CES1: variants seen among roughly 807,000 people sequenced by gnomAD.
CES1 encodes carboxylesterase 1, also known as liver carboxylesterase 1.
A neutral mutation model predicts 53.0 loss-of-function variants in CES1; 50 were observed. The ratio of observed to expected loss-of-function variants is 0.94; its 90% CI spans 0.75 to 1.19. The LOEUF is 1.19. Ranked by LOEUF, CES1 falls within the 50% of genes most tolerant of loss-of-function variation. The pLI is 0.00. For synonymous variants in CES1, 202 were observed against 210.1 expected, an observed-to-expected ratio of 0.96 and a Z score of 0.33; for missense variants, 534 against 538.0, an observed-to-expected ratio of 0.99 and a Z score of 0.07.
At chr16:55,812,843 C>T in intron 9 of CES1, 60 bp downstream of exon 9, 2 of 1,609,856 alleles carry the variant, frequency 1.2e-6, no homozygotes, top group Non-Finnish European at 1.7e-6. Flanking sequence ...TTCCTGGGAC[C>T]AGAGACAGGA....
At chr16:55,812,413 G>A (rs79711700) in intron 9 of CES1, 6 of 223,206 alleles carry the variant, frequency 2.7e-5, no homozygotes, top group South Asian at 1.4e-4. Context: ...CTTAGTAGAC[G>A]CTGATGTCTG....
chr16:55,826,199 G>A lies in CES1; in HGVS notation c.357C>T (p.Tyr119=). The change falls in exon 3 of 14, where the codon TAC becomes TAT. Residue 119 remains tyrosine (Y), a synonymous_variant. Transcript: ENST00000360526. ...IPLKLSEDCL[Y]LNIYTPADLT... is the part of the protein sequence containing the mutation. ...AGTCAGCAGGAGTGTAAATATTGAG[G>A]TAAAGACAGTCTTCAGAAAGCTTGA... 5 of 1,613,970 alleles carry A rather than the reference G, an allele frequency of 3.1e-6. No homozygotes were observed. The highest frequency in any genetic ancestry group is 4.2e-6 in the Non-Finnish European group (5 of 1,179,868).
intron 3 of CES1, among the ~76,000 whole-genome samples, chr16:55,824,401 A>C (rs1228133678): frequency 6.6e-6 from 1 of 152,270 alleles, no homozygotes; most frequent in Admixed American, 6.5e-5. Flanking sequence ...AGAGTGGCTA[A>C]AATAATGATA....
rs1445496907 is a variant in CES1, at chr16:55,816,927, T to C, written c.942A>G (p.Arg314=). Residue 314 remains arginine (R), a synonymous_variant, in exon 8 of 14, where the codon AGA becomes AGG. Coordinates refer to ENST00000360526, the MANE Select transcript of CES1 (RefSeq NM_001025195.2). ...TCCAGAAACAAAAGGTCCTTACCTC[T>C]CTGGGGTCTCCCTGTAAGTCCAGAG... ...FLSLDLQGDP[R]ESQPLLGTVI... is the part of the protein sequence containing the mutation. 11 of 1,614,096 alleles carry C rather than the reference T, an allele frequency of 6.8e-6. No individual in the cohort carries two copies. Among genetic ancestry groups the C allele is most frequent in the Non-Finnish European group, 9.3e-6 (11 of 1,179,948 alleles).
chr16:55,815,180 G>T (rs1241413044), intron 8 of CES1, among the ~76,000 whole-genome samples: 1 of 152,200 alleles, frequency 6.6e-6, no homozygotes, highest in Non-Finnish European at 1.5e-5. Context: ...GAAATGCTGT[G>T]GGGCAGGGTC....
intron 1 of CES1, among the ~76,000 whole-genome samples, chr16:55,830,849 A>T (rs1302439153): frequency 1.6e-4 from 16 of 102,746 alleles, no homozygotes; most frequent in Middle Eastern, 5.4e-3. Flanking sequence ...CAGGCAGGCA[A>T]GTGGGAGTGA....
rs202228585 is a variant in CES1 at position 55,820,426 on chromosome 16, G to A, written c.747C>T (p.Gly249=). The change falls in exon 6 of 14, where the codon GGC becomes GGT. Residue 249 remains glycine (G), a synonymous_variant. Transcript: ENST00000360526. ...NLFHRAISES[G]VALTSVLVKK... is the part of the protein sequence containing the mutation. ...TCACCAGAACAGAAGTGAGGGCCAC[G>A]CCACTCTCAGAAATGGCCCGGTGGA... 2.4e-4 allele frequency: 389 copies of A among 1,603,236 alleles called. No homozygotes were observed. In the East Asian group the frequency reaches 7.3e-3, roughly 30 times the overall value.
chr16:55,810,589 C>G lies in CES1; in HGVS notation c.1246G>C (p.Asp416His). Residue 416 changes from aspartate (D) to histidine (H), a missense_variant, in exon 11 of 14, where the codon GAC becomes CAC. This residue lies in a region of CES1 where 269 missense variants were observed against 206.6 expected (regional missense o/e 1.30). Coordinates refer to ENST00000360526, the MANE Select transcript of CES1 (RefSeq NM_001025195.2). ...GGTDDTVKKK[D>H]LFLDLIADVM... ...TCTGCTATCAAGTCCAGGAACAGGTCTTTCTTTTTGACAGTGTCGTCTGTT... is the reference window on the plus strand; with the variant it reads ...TCTGCTATCAAGTCCAGGAACAGGTGTTTCTTTTTGACAGTGTCGTCTGTT... The G allele has an allele frequency of 6.2e-7, 1 of 1,614,174 alleles. No homozygotes were observed. The highest frequency in any genetic ancestry group is 8.5e-7 in the Non-Finnish European group (1 of 1,180,024).
At chr16:55,825,467 T>G (rs1567504959) in intron 3 of CES1, among the ~76,000 whole-genome samples, 3 of 152,216 alleles carry the variant, frequency 2.0e-5, no homozygotes, top group Admixed American at 1.3e-4. Context: ...TCTGACTCAC[T>G]GGGTCATCAG....
intron 1 of CES1, among the ~76,000 whole-genome samples, chr16:55,830,263 T>C (rs1192842388): frequency 2.6e-5 from 4 of 152,224 alleles, no homozygotes; most frequent in Non-Finnish European, 4.4e-5. Context: ...ATTTAGCTTC[T>C]TTTCTTTTGT....
At chr16:55,821,567 G>C (rs759326704) in intron 4 of CES1, 46 bp from the exon 5 acceptor site, 1 of 1,610,166 alleles carries the variant, frequency 6.2e-7, no homozygotes, top group Non-Finnish European at 8.5e-7. Flanking sequence ...GAGATGTCAT[G>C]CAGGACCTTC....
chr16:55,810,622 A>G lies in CES1; in HGVS notation c.1213T>C (p.Leu405=). Reference sequence around the variant, plus strand: ...TTGACAGTGTCGTCTGTTCCTCCTAAGTATTTCTCAGTGGCTTCTGGAATC... The same window carrying G: ...TTGACAGTGTCGTCTGTTCCTCCTAGGTATTTCTCAGTGGCTTCTGGAATC... ...ELIPEATEKY[L]GGTDDTVKKK... The change falls in exon 11 of 14, where the codon TTA becomes CTA. Residue 405 remains leucine, a synonymous_variant. Transcript: ENST00000360526. 1 of 1,614,146 alleles carries G rather than the reference A, an allele frequency of 6.2e-7. No homozygotes were observed. Among genetic ancestry groups the G allele is most frequent in the Non-Finnish European group, 8.5e-7 (1 of 1,180,016 alleles).
intron 3 of CES1, among the ~76,000 whole-genome samples, chr16:55,824,893 ATTCCTGGAGG>A (rs1423120449): frequency 2.8e-4 from 43 of 152,328 alleles, no homozygotes; most frequent in Admixed American, 2.5e-3. Context: ...GCCTGTGGCC[ATTCCTGGAGG>A]TTCTCCTGAC....
intron 8 of CES1, 141 bp from the exon 9 acceptor site, chr16:55,813,184 TA>T (rs2142319363): frequency 8.8e-7 from 1 of 1,141,238 alleles, no homozygotes; most frequent in South Asian, 1.3e-5. Context: ...GATCCTAACT[TA>T]GGGGGGTAGG....
Position 55,810,672 on chromosome 16 carries a change from A to G in CES1, c.1171-8T>C, listed in dbSNP as rs776581361. 1.2e-6 allele frequency: 2 copies of G among 1,614,104 alleles called. No individual in the cohort carries two copies. Among genetic ancestry groups the G allele is most frequent in the Admixed American group, 3.3e-5 (2 of 60,028 alleles). ...CAGTTCCTTAGCAATGCACTGAAAT[A>G]GATCAAAAAGTGACCACCAGCCCCG... is the stretch of plus-strand genomic sequence containing the variant. On this transcript the variant is annotated splice_polypyrimidine_tract_variant and splice_region_variant and intron_variant, in intron 10 of 13. Coordinates refer to ENST00000360526, the MANE Select transcript of CES1 (RefSeq NM_001025195.2).
At position 55,823,404 on chromosome 16, in the gene CES1, G is replaced by A. The variant is rs1235352147; in HGVS notation, c.539+146C>T. ...TGGATGAGTGGCTGGGTAGTGAGAG[G>A]GTAGGTAGTGTCCAATTACGAAGGG... On this transcript the variant is annotated intron_variant, in intron 4 of 13. Transcript: ENST00000360526. The A allele has an allele frequency of 1.8e-5, 16 of 910,944 alleles. No homozygotes were observed. In the East Asian group the frequency reaches 3.8e-4, roughly 22 times the overall value. The allele number at this position is 910,944 out of a possible 1,614,324, so 56.4% of individuals were successfully genotyped here. A position where few individuals can be genotyped will look rare whatever the true frequency, so the allele number is the denominator to read the frequency against.
chr16:55,822,579 T>A (rs1203930279), intron 4 of CES1, among the ~76,000 whole-genome samples: 2 of 152,026 alleles, frequency 1.3e-5, no homozygotes, highest in Non-Finnish European at 2.9e-5. Context: ...TGGGGCACCC[T>A]TTAGACAGCC....
intron 1 of CES1, 142 bp from the exon 2 acceptor site, chr16:55,829,116 A>G (rs1452740876): frequency 2.2e-6 from 2 of 899,100 alleles, no homozygotes; most frequent in East Asian, 2.6e-5. Flanking sequence ...GATGTACAAT[A>G]GGGATGACGA....
intron 2 of CES1, chr16:55,828,199 T>G (rs2032491460): frequency 5.2e-6 from 1 of 191,070 alleles, no homozygotes. Context: ...GGGCTTTTCT[T>G]CCCAGCTTGG....
Sources: allele counts gnomAD v4.1 joint callset (sites outside exome capture counted in the v4.1 genomes callset), GRCh38; gene constraint gnomAD v4.1.1; regional missense constraint gnomAD v4.1.1; transcripts MANE v1.5; gene names NCBI Gene and HGNC (gene_info 2026-07-23, HGNC 2026-07-21).